SLC7A2: variants seen among roughly 807,000 people sequenced by gnomAD.
SLC7A2 encodes cationic amino acid transporter 2.
Under a neutral mutation model 58.9 loss-of-function variants are expected in SLC7A2, and 48 were observed. That is an observed-to-expected ratio of 0.82 (90% CI 0.65 to 1.04). The LOEUF (loss-of-function observed/expected upper bound fraction) is 1.04. Among genes scored for constraint, SLC7A2 ranks in the 50% least tolerant of loss-of-function variants. The probability of loss-of-function intolerance (pLI) is 0.00; values close to 1 mark genes in which losing one functional copy is unlikely to be tolerated. For synonymous variants in SLC7A2, 363 were observed against 314.5 expected (o/e 1.15, Z -1.63); for missense variants, 1,029 against 818.8 (o/e 1.26, Z -3.13).
chr8:17,518,657 C>G (rs541812330), intron 2 of SLC7A2, among the ~76,000 whole-genome samples: 20 of 149,114 alleles, frequency 1.3e-4, no homozygotes, highest in African/African-American at 4.4e-4. Flanking sequence ...AACAAAGAAG[C>G]TTTATTTTTT....
intron 9 of SLC7A2, among the ~76,000 whole-genome samples, chr8:17,559,287 T>G (rs1802851135): frequency 6.6e-6 from 1 of 152,132 alleles, no homozygotes; most frequent in Admixed American, 6.5e-5. Flanking sequence ...GAAAGAAGTT[T>G]AATTGACTCA....
At chr8:17,537,423 C>T (rs1801717515) in intron 2 of SLC7A2, among the ~76,000 whole-genome samples, 1 of 152,130 alleles carries the variant, frequency 6.6e-6, no homozygotes, top group East Asian at 1.9e-4. Flanking sequence ...GTGTGTGTGA[C>T]TTCAGCCTGC....
In SLC7A2 at chr8:17,567,527, T is replaced by C. The variant is rs1803320939; in HGVS notation, c.*2381T>C. 1 of 152,606 alleles carries C rather than the reference T, an allele frequency of 6.6e-6. No homozygotes were observed. The highest frequency in any genetic ancestry group is 2.4e-5 in the African/African-American group (1 of 41,412). 9.5% of individuals were successfully genotyped at this position (152,606 alleles called of 1,614,324 possible). A position where few individuals can be genotyped will look rare whatever the true frequency, so the allele number is the denominator to read the frequency against. ...TGAAGACTCAACGGATGTGTGTGTT[T>C]GTATGTTTGTTAACAGTTACATATG... On this transcript the variant is annotated 3_prime_UTR_variant, in exon 13 of 13. Transcript: ENST00000494857.
At chr8:17,518,045 A>G (rs185581893) in intron 2 of SLC7A2, among the ~76,000 whole-genome samples, 4 of 152,186 alleles carry the variant, frequency 2.6e-5, no homozygotes, top group East Asian at 3.9e-4. Flanking sequence ...AAGTAAGTCA[A>G]GAGCCCAAGA....
chr8:17,511,073 G>C (rs893336312), intron 2 of SLC7A2: 1 of 151,844 alleles, frequency 6.6e-6, no homozygotes, highest in Non-Finnish European at 1.5e-5. Context: ...ATACGTGGAG[G>C]GGAATAACAC....
At chr8:17,556,236 A>G (rs747129829) in intron 8 of SLC7A2, among the ~76,000 whole-genome samples, 4 of 152,148 alleles carry the variant, frequency 2.6e-5, no homozygotes, top group African/African-American at 4.8e-5. Context: ...TAGTTTATAA[A>G]TATTTTTTGA....
intron 3 of SLC7A2, among the ~76,000 whole-genome samples, 155 bp from the exon 4 acceptor site, chr8:17,544,296 A>T (rs1338680397): frequency 6.6e-6 from 1 of 152,224 alleles, no homozygotes. Flanking sequence ...TGAACATTTG[A>T]TGACTACTGT....
intron 2 of SLC7A2, among the ~76,000 whole-genome samples, chr8:17,506,308 T>G (rs1396605924): frequency 6.6e-6 from 1 of 152,230 alleles, no homozygotes; most frequent in Non-Finnish European, 1.5e-5. Flanking sequence ...ATAACAAAAA[T>G]CACTATTTTC....
At chr8:17,528,545 G>A (rs1261090018) in intron 2 of SLC7A2, among the ~76,000 whole-genome samples, 2 of 151,976 alleles carry the variant, frequency 1.3e-5, no homozygotes, top group Non-Finnish European at 2.9e-5. Context: ...GCATCACCAT[G>A]TCTGGCTAAT....
chr8:17,506,726 T>A (rs1314024132), intron 2 of SLC7A2, among the ~76,000 whole-genome samples: 1 of 151,686 alleles, frequency 6.6e-6, no homozygotes, highest in Non-Finnish European at 1.5e-5. Context: ...TGAAAACAAA[T>A]AATAATTACT....
intron 8 of SLC7A2, chr8:17,555,093 C>T: frequency 6.2e-7 from 1 of 1,612,944 alleles, no homozygotes; most frequent in East Asian, 2.2e-5. Flanking sequence ...GTAAGCTTTA[C>T]AAACTTAGGT....
At chr8:17,518,828 G>A (rs1472172082) in intron 2 of SLC7A2, among the ~76,000 whole-genome samples, 1 of 152,074 alleles carries the variant, frequency 6.6e-6, no homozygotes, top group Non-Finnish European at 1.5e-5. Context: ...ACCATAGACT[G>A]GGGGCTTAAA....
At chr8:17,494,124 C>T (rs1050449835), upstream of SLC7A2, among the ~76,000 whole-genome samples, 5 of 152,256 alleles carry the variant, frequency 3.3e-5, no homozygotes, top group Admixed American at 6.5e-5. Context: ...AGCTTGTCTT[C>T]GCTAAAATAG....
chr8:17,498,356 A>G (rs760063062), intron 1 of SLC7A2, among the ~76,000 whole-genome samples: 5 of 152,180 alleles, frequency 3.3e-5, no homozygotes, highest in Admixed American at 6.5e-5. Context: ...TAGTCTTTAA[A>G]AGTTAATAAT....
At chr8:17,540,522 A>G (rs1436242203) in intron 2 of SLC7A2, among the ~76,000 whole-genome samples, 1 of 152,284 alleles carries the variant, frequency 6.6e-6, no homozygotes, top group South Asian at 2.1e-4. Context: ...AAGAAAAAAA[A>G]ATAGGACAGA....
At chr8:17,548,201 C>T (rs952496983) in intron 4 of SLC7A2, among the ~76,000 whole-genome samples, 5 of 152,100 alleles carry the variant, frequency 3.3e-5, no homozygotes, top group African/African-American at 7.2e-5. Context: ...ATTAGCCAGA[C>T]ATGGTGGCAC....
At position 17,502,295 on chromosome 8, in the gene SLC7A2, C is replaced by G. The variant is rs973193276; in HGVS notation, c.-30C>G. On this transcript the variant is annotated 5_prime_UTR_variant, in exon 2 of 13. Coordinates refer to ENST00000494857, the MANE Select transcript of SLC7A2 (RefSeq NM_001370338.1). ...GAAGACCAGCAGGAAAGCAGTGAGC[C>G]CTTACAGGTTAGTGCTGATTTCAAT... is the stretch of plus-strand genomic sequence containing the variant. 2 of 151,918 alleles carry G rather than the reference C, an allele frequency of 1.3e-5. No individual in the cohort carries two copies. The highest frequency in any genetic ancestry group is 2.9e-5 in the Non-Finnish European group (2 of 68,006). The allele number at this position is 151,918 out of a possible 1,614,324, so 9.4% of individuals were successfully genotyped here. A position where few individuals can be genotyped will look rare whatever the true frequency, so the allele number is the denominator to read the frequency against.
chr8:17,543,278 C>G, intron 2 of SLC7A2, 40 bp from the exon 3 acceptor site: 2 of 1,543,156 alleles, frequency 1.3e-6, no homozygotes, highest in Non-Finnish European at 1.7e-6. Context: ...GGAGGGATGA[C>G]AATTCCAGAT....
chr8:17,552,113 T>A, intron 7 of SLC7A2, 127 bp downstream of exon 7: 1 of 675,754 alleles, frequency 1.5e-6, no homozygotes, highest in Non-Finnish European at 2.6e-6. Context: ...ACTTTGTATT[T>A]ATTGATTGGC....
Sources: gnomAD v4.1 joint callset for allele counts (sites outside exome capture counted in the v4.1 genomes callset) on GRCh38, gnomAD v4.1.1 for gene constraint, MANE v1.5 for transcripts, NCBI Gene and HGNC (gene_info 2026-07-23, HGNC 2026-07-21) for gene names.